ZNF641: variants seen among roughly 807,000 people sequenced by gnomAD.
The protein encoded by ZNF641 is zinc finger protein 641.
In ZNF641, 26 loss-of-function variants were observed where a neutral mutation model predicts 46.2. That is an observed-to-expected ratio of 0.56 (90% CI 0.41 to 0.78). The LOEUF is 0.78. Ranked by LOEUF, ZNF641 falls within the 30% of genes least tolerant of loss-of-function variation. ZNF641 has a pLI of 0.00. For synonymous variants in ZNF641, 163 were observed against 187.9 expected (o/e 0.87, Z 1.09); for missense variants, 469 against 517.8 (o/e 0.91, Z 0.91).
At chr12:48,335,679 CAG>C (rs1290031519), downstream of ZNF641, among the ~76,000 whole-genome samples, 1 of 152,218 alleles carries the variant, frequency 6.6e-6, no homozygotes, top group Non-Finnish European at 1.5e-5. Context: ...GCAAGCCACA[CAG>C]ATTGTGAAGA....
chr12:48,347,067 C>T, intron 3 of ZNF641, 185 bp downstream of exon 3: 1 of 1,127,414 alleles, frequency 8.9e-7, no homozygotes, highest in Non-Finnish European at 1.2e-6. Flanking sequence ...AATTCCCTTT[C>T]TTGTAGGTCC....
At chr12:48,336,978 C>T (rs1952612656), downstream of ZNF641, among the ~76,000 whole-genome samples, 3 of 152,200 alleles carry the variant, frequency 2.0e-5, no homozygotes, top group Admixed American at 1.3e-4. Context: ...GACTCAGGAG[C>T]ATCACATGGG....
At chr12:48,348,271 C>T (rs1014819906) in intron 1 of ZNF641, among the ~76,000 whole-genome samples, 156 bp from the exon 2 acceptor site, 2 of 152,182 alleles carry the variant, frequency 1.3e-5, no homozygotes, top group Non-Finnish European at 2.9e-5. Context: ...TTCCGATCAA[C>T]GGAGCCTGCA....
At chr12:48,347,042 A>C in intron 3 of ZNF641, 11 of 927,614 alleles carry the variant, frequency 1.2e-5, no homozygotes, top group Non-Finnish European at 1.7e-5. Context: ...ACTCAAAAAA[A>C]CCCTAACCTC....
At chr12:48,345,666 G>GGAGT (rs1020719348) in intron 3 of ZNF641, among the ~76,000 whole-genome samples, 192 bp from the exon 4 acceptor site, 11 of 152,190 alleles carry the variant, frequency 7.2e-5, no homozygotes, top group African/African-American at 2.7e-4. Context: ...AGATGGTCAA[G>GGAGT]GAGTGAGTGA....
At chr12:48,334,919 G>A (rs537920077), downstream of ZNF641, among the ~76,000 whole-genome samples, 1 of 152,326 alleles carries the variant, frequency 6.6e-6, no homozygotes, top group African/African-American at 2.4e-5. Context: ...ATACCAGGAT[G>A]TCTGCTCAGA....
Position 48,342,480 on chromosome 12 carries a change from C to T in ZNF641, c.*493G>A. On this transcript the variant is annotated 3_prime_UTR_variant, in exon 6 of 6. Coordinates refer to ENST00000547026, the MANE Select transcript of ZNF641 (RefSeq NM_001172681.2). ...CTGTGGGATGTAAATAGAAAGGATA[C>T]TGAGGTCAAATACATTTAGGAAACA... 1.0e-6 allele frequency: 1 copy of T among 961,684 alleles called. No individual in the cohort carries two copies. The highest frequency in any genetic ancestry group is 1.1e-4 in the East Asian group (1 of 8,768). The allele number at this position is 961,684 out of a possible 1,614,324, so 59.6% of individuals were successfully genotyped here.
Position 48,340,298 on chromosome 12 carries a change from T to G in ZNF641, c.*2675A>C. ...TATACTTGCACCTAACTCTGGGGGCTTCACTTTCTATCCCTACAATTACTC... is the reference window on the plus strand; with the variant it reads ...TATACTTGCACCTAACTCTGGGGGCGTCACTTTCTATCCCTACAATTACTC... On this transcript the variant is annotated 3_prime_UTR_variant, in exon 6 of 6. Transcript: ENST00000547026. 1.0e-6 allele frequency: 1 copy of G among 985,456 alleles called. No homozygotes were observed. The highest frequency in any genetic ancestry group is 1.2e-6 in the Non-Finnish European group (1 of 829,938). The allele number at this position is 985,456 out of a possible 1,614,324, so 61.0% of individuals were successfully genotyped here. A position where few individuals can be genotyped will look rare whatever the true frequency, so the allele number is the denominator to read the frequency against.
At chr12:48,345,303 C>G (rs1265091646) in intron 4 of ZNF641, 42 bp downstream of exon 4, 1 of 1,609,260 alleles carries the variant, frequency 6.2e-7, no homozygotes, top group South Asian at 1.1e-5. Flanking sequence ...CTCCGTCCTC[C>G]CAGAGTCCAA....
At chr12:48,350,252 G>A in intron 1 of ZNF641, 1 of 1,444,776 alleles carries the variant, frequency 6.9e-7, no homozygotes, top group Non-Finnish European at 9.1e-7. Flanking sequence ...CAGTGCTGAT[G>A]AACAGAAAAG....
rs907541117 is a variant in ZNF641, at chr12:48,337,301, G to C, written c.*5672C>G. On this transcript the variant is annotated 3_prime_UTR_variant, in exon 6 of 6. Coordinates refer to ENST00000547026, the MANE Select transcript of ZNF641 (RefSeq NM_001172681.2). Reference sequence around the variant, plus strand: ...TCAGATAATAGCTAGAAATCTGATAGGCACGGAGCAGTTGGGCTGCATGGC... The same window carrying C: ...TCAGATAATAGCTAGAAATCTGATACGCACGGAGCAGTTGGGCTGCATGGC... 1 of 152,206 alleles carries C rather than the reference G, an allele frequency of 6.6e-6. No homozygotes were observed. Among genetic ancestry groups the C allele is most frequent in the African/African-American group, 2.4e-5 (1 of 41,460 alleles). 9.4% of individuals were successfully genotyped at this position (152,206 alleles called of 1,614,324 possible).
chr12:48,336,002 C>T (rs776280792), downstream of ZNF641, among the ~76,000 whole-genome samples: 1 of 152,144 alleles, frequency 6.6e-6, no homozygotes, highest in East Asian at 1.9e-4. Context: ...TCAATGTCCT[C>T]TAGAACAAAT....
At chr12:48,336,518 A>T (rs1592136253), downstream of ZNF641, among the ~76,000 whole-genome samples, 1 of 152,196 alleles carries the variant, frequency 6.6e-6, no homozygotes, top group Non-Finnish European at 1.5e-5. Context: ...CCTGTAGAGG[A>T]GGAGCCACGC....
chr12:48,346,866 C>G (rs1952885878), intron 3 of ZNF641, among the ~76,000 whole-genome samples: 1 of 152,116 alleles, frequency 6.6e-6, no homozygotes, highest in African/African-American at 2.4e-5. Context: ...CAAAAATTAG[C>G]TAGGTGTGGT....
rs150751613 is a variant in ZNF641 at position 48,343,660 on chromosome 12, G to A, written c.588C>T (p.Ser196=). The A allele has an allele frequency of 5.5e-4, 852 of 1,562,574 alleles. No homozygotes were observed. Among genetic ancestry groups the A allele is most frequent in the Non-Finnish European group, 6.7e-4 (780 of 1,155,830 alleles). The part of the protein sequence containing the change: ...LEAEPPRMLS[S]VSEDTVLWNP... Reference sequence around the variant, plus strand: ...TCCAGAGAACAGTATCTTCAGACACGCTGGATAACATTCTGGGAGGTTCTG... The same window carrying A: ...TCCAGAGAACAGTATCTTCAGACACACTGGATAACATTCTGGGAGGTTCTG... The change falls in exon 6 of 6, where the codon AGC becomes AGT. Residue 196 remains serine (S), a synonymous_variant. Transcript: ENST00000547026.
rs1952635590 is a variant in ZNF641 at position 48,337,880 on chromosome 12, G to C, written c.*5093C>G. 6.6e-6 allele frequency: 1 copy of C among 152,036 alleles called. No individual in the cohort carries two copies. Among genetic ancestry groups the C allele is most frequent in the African/African-American group, 2.4e-5 (1 of 41,366 alleles). 9.4% of individuals were successfully genotyped at this position (152,036 alleles called of 1,614,324 possible). ...TCTCAGGAGTCACAGGAGACTGGAA[G>C]GAAGTAAATTAAAAATGGTGAAAAG... On this transcript the variant is annotated 3_prime_UTR_variant, in exon 6 of 6. Transcript: ENST00000547026.
intron 5 of ZNF641, 103 bp from the exon 6 acceptor site, chr12:48,343,830 T>G: frequency 8.7e-7 from 1 of 1,154,268 alleles, no homozygotes; most frequent in Admixed American, 3.3e-5. Flanking sequence ...GGGCCCAGAC[T>G]TGACCCCAGA....
Position 48,341,934 on chromosome 12 carries a change from T to C in ZNF641, c.*1039A>G, listed in dbSNP as rs1304331779. The C allele has an allele frequency of 1.0e-6, 1 of 985,332 alleles. No homozygotes were observed. Among genetic ancestry groups the C allele is most frequent in the Non-Finnish European group, 1.2e-6 (1 of 829,960 alleles). The allele number at this position is 985,332 out of a possible 1,614,324, so 61.0% of individuals were successfully genotyped here. ...TCCCTTAACCAGACTGCTTCCTGTC[T>C]TGAAACAAAGAAAAAACCCCATATA... On this transcript the variant is annotated 3_prime_UTR_variant, in exon 6 of 6. Coordinates refer to ENST00000547026, the MANE Select transcript of ZNF641 (RefSeq NM_001172681.2).
chr12:48,344,752 A>C, intron 4 of ZNF641, 40 bp from the exon 5 acceptor site: 3 of 1,187,786 alleles, frequency 2.5e-6, no homozygotes, highest in Non-Finnish European at 3.7e-6. Flanking sequence ...CAATTAGTTC[A>C]ACAGCAATTC....
Sources: gnomAD v4.1 joint callset for allele counts (sites outside exome capture counted in the v4.1 genomes callset) on GRCh38, gnomAD v4.1.1 for gene constraint, MANE v1.5 for transcripts, NCBI Gene and HGNC (gene_info 2026-07-23, HGNC 2026-07-21) for gene names.